The following UMAD1 variants were observed in gnomAD, a reference collection of about 807,000 sequenced individuals.
UMAD1 encodes UBAP1-MVB12-associated (UMA) domain containing 1.
A neutral mutation model predicts 6.1 loss-of-function variants in UMAD1; 8 were observed. The ratio of observed to expected loss-of-function variants is 1.30; its 90% CI spans 0.76 to 2.35. The LOEUF is 2.35. UMAD1 is among the 30% of genes most tolerant of loss of function. UMAD1 has a pLI of 0.00. For synonymous variants in UMAD1, 56 were observed against 31.4 expected (o/e 1.78, Z -2.61); for missense variants, 130 against 78.4 (o/e 1.66, Z -2.49).
chr7:7,646,088 G>C (rs746211855), intron 1 of UMAD1, among the ~76,000 whole-genome samples: 12 of 152,184 alleles, frequency 7.9e-5, no homozygotes, highest in Non-Finnish European at 1.6e-4. Context: ...GGGCGTTACA[G>C]TGCTCTTTTA....
In UMAD1 at chr7:7,794,305, T is replaced by A. The variant is rs28415804; in HGVS notation, c.83-7365T>A. ...TCTTCCCCAGATGAGATCTGGCCAATTGAGGGGAGGAAAAAGGAACAGATG... is the reference window on the plus strand; with the variant it reads ...TCTTCCCCAGATGAGATCTGGCCAAATGAGGGGAGGAAAAAGGAACAGATG... On this transcript the variant is annotated intron_variant, in intron 2 of 3. Transcript: ENST00000682710. 4.7e-3 allele frequency among the ~76,000 whole-genome samples: 714 copies of A among 152,146 alleles called. 5 individuals are homozygous for A. Among genetic ancestry groups the A allele is most frequent in the African/African-American group, 0.017 (689 of 41,486 alleles).
intron 3 of UMAD1, among the ~76,000 whole-genome samples, chr7:7,847,097 A>AT (rs1783806403): frequency 2.0e-5 from 1 of 48,876 alleles, no homozygotes; most frequent in South Asian, 6.3e-4. Flanking sequence ...CAAAAAAAAA[A>AT]AAAAAAAATA....
intron 2 of UMAD1, among the ~76,000 whole-genome samples, chr7:7,707,460 C>T (rs976901332): frequency 5.9e-5 from 9 of 152,106 alleles, no homozygotes; most frequent in Non-Finnish European, 1.0e-4. Flanking sequence ...ACATGTTGAA[C>T]GTATGTTCCA....
At chr7:7,770,122 C>A (rs1782071256) in intron 2 of UMAD1, among the ~76,000 whole-genome samples, 1 of 152,166 alleles carries the variant, frequency 6.6e-6, no homozygotes, top group Admixed American at 6.5e-5. Flanking sequence ...TACTTATCCC[C>A]TCATTTTAAA....
chr7:7,848,440 G>T (rs1563257132), intron 3 of UMAD1, among the ~76,000 whole-genome samples: 2 of 152,168 alleles, frequency 1.3e-5, no homozygotes, highest in African/African-American at 4.8e-5. Context: ...CAGTTGATCT[G>T]GTGTCTAAAG....
chr7:7,866,326 G>C (rs2115336776), intron 3 of UMAD1, among the ~76,000 whole-genome samples: 1 of 152,304 alleles, frequency 6.6e-6, no homozygotes. Context: ...AGGTTTGTGG[G>C]GGTGACAGGG....
intron 2 of UMAD1, among the ~76,000 whole-genome samples, chr7:7,801,141 G>A (rs1204410907): frequency 1.3e-5 from 2 of 152,180 alleles, no homozygotes; most frequent in Non-Finnish European, 2.9e-5. Context: ...AGGAATCAAA[G>A]TATTAAGTGA....
chr7:7,671,804 A>C (rs1779611846), intron 1 of UMAD1, among the ~76,000 whole-genome samples: 1 of 152,032 alleles, frequency 6.6e-6, no homozygotes, highest in Admixed American at 6.6e-5. Context: ...AACTGTTTTC[A>C]AACTTTTCTT....
intron 2 of UMAD1, among the ~76,000 whole-genome samples, chr7:7,673,699 C>CT (rs202026468): frequency 0.049 from 4,002 of 81,742 alleles, 176 homozygotes; most frequent in African/African-American, 0.13. Context: ...AAAATCACTT[C>CT]TTTTTCCCCC....
intron 2 of UMAD1, among the ~76,000 whole-genome samples, chr7:7,683,831 C>T (rs28915068): frequency 0.039 from 5,883 of 152,232 alleles, 348 homozygotes; most frequent in African/African-American, 0.13. Context: ...CCATGTTGGC[C>T]AGGCCGGTCT....
At chr7:7,832,779 CT>C (rs1309085172) in intron 3 of UMAD1, among the ~76,000 whole-genome samples, 1 of 152,054 alleles carries the variant, frequency 6.6e-6, no homozygotes, top group Non-Finnish European at 1.5e-5. Flanking sequence ...AAGAAAGGTG[CT>C]TCTGTCTGCA....
At chr7:7,783,027 C>T (rs1043247559) in intron 2 of UMAD1, among the ~76,000 whole-genome samples, 7 of 152,160 alleles carry the variant, frequency 4.6e-5, no homozygotes, top group Non-Finnish European at 8.8e-5. Flanking sequence ...GGCATCGTGC[C>T]CAACCTAGTG....
intron 2 of UMAD1, among the ~76,000 whole-genome samples, chr7:7,677,737 G>C (rs1321000129): frequency 7.4e-6 from 1 of 135,232 alleles, no homozygotes; most frequent in African/African-American, 2.9e-5. Context: ...GCAGTGGCGG[G>C]ATCTCGGCTC....
chr7:7,667,367 G>C (rs1317974313), intron 1 of UMAD1, among the ~76,000 whole-genome samples: 2 of 152,192 alleles, frequency 1.3e-5, no homozygotes, highest in East Asian at 1.9e-4. Context: ...CGGAAGTCCA[G>C]CTGTCAAGGC....
chr7:7,777,175 C>G, intron 2 of UMAD1, among the ~76,000 whole-genome samples: 1 of 152,154 alleles, frequency 6.6e-6, no homozygotes, highest in East Asian at 1.9e-4. Flanking sequence ...GATCTCCTGT[C>G]TAGCCATTTA....
chr7:7,675,104 A>G (rs746386542), intron 2 of UMAD1, among the ~76,000 whole-genome samples: 12 of 152,236 alleles, frequency 7.9e-5, no homozygotes, highest in South Asian at 6.2e-4. Context: ...GCCTCAAGCA[A>G]TCTTCCTGCC....
chr7:7,643,930 C>T (rs1185619495), intron 1 of UMAD1, among the ~76,000 whole-genome samples: 1 of 152,052 alleles, frequency 6.6e-6, no homozygotes, highest in Admixed American at 6.6e-5. Context: ...ATTTTTTCGT[C>T]TGAGGAGGCA....
At chr7:7,791,719 G>C (rs1388628492) in intron 2 of UMAD1, among the ~76,000 whole-genome samples, 10 of 152,210 alleles carry the variant, frequency 6.6e-5, no homozygotes. Flanking sequence ...CGGTAGGACT[G>C]ACCGGTGGAT....
chr7:7,677,964 C>T (rs949058907), intron 2 of UMAD1, among the ~76,000 whole-genome samples: 7 of 152,258 alleles, frequency 4.6e-5, no homozygotes, highest in African/African-American at 1.2e-4. Context: ...TGAGCCACCG[C>T]GCCCGGCCTA....
Sources: gnomAD v4.1 joint callset for allele counts (sites outside exome capture counted in the v4.1 genomes callset) on GRCh38, gnomAD v4.1.1 for gene constraint, MANE v1.5 for transcripts, NCBI Gene and HGNC (gene_info 2026-07-23, HGNC 2026-07-21) for gene names.